The following EGFLAM variants were observed in gnomAD, a reference collection of about 807,000 sequenced individuals.
The protein encoded by EGFLAM is pikachurin.
In EGFLAM, 79 loss-of-function variants were observed where a neutral mutation model predicts 113.1. That is an observed-to-expected ratio of 0.70 (90% CI 0.58 to 0.84). The LOEUF (loss-of-function observed/expected upper bound fraction) is 0.84. EGFLAM is among the 40% of genes least tolerant of loss of function. EGFLAM has a pLI of 0.00. For synonymous variants in EGFLAM, 504 were observed against 487.6 expected (o/e 1.03, Z -0.44); for missense variants, 1,265 against 1,291.6 (o/e 0.98, Z 0.32).
At chr5:38,411,480 T>C (rs1741476214) in intron 10 of EGFLAM, among the ~76,000 whole-genome samples, 1 of 143,032 alleles carries the variant, frequency 7.0e-6, no homozygotes. Flanking sequence ...CTTTCATTAA[T>C]TTCTTTTTTT....
In EGFLAM at chr5:38,418,271, G is replaced by T. The variant is rs1473408143; in HGVS notation, c.1684+16G>T. 4 of 1,613,322 alleles carry T rather than the reference G, an allele frequency of 2.5e-6. No individual in the cohort carries two copies. Among genetic ancestry groups the T allele is most frequent in the Non-Finnish European group, 3.4e-6 (4 of 1,179,626 alleles). On this transcript the variant is annotated intron_variant, in intron 12 of 21. Coordinates refer to ENST00000322350, the MANE Select transcript of EGFLAM (RefSeq NM_152403.4). Reference sequence around the variant, plus strand: ...GCTGATGTGGGTAAGTGGCTGCCTGGTGGGTTGGGGTACTCTTATGGGACT... The same window carrying T: ...GCTGATGTGGGTAAGTGGCTGCCTGTTGGGTTGGGGTACTCTTATGGGACT...
intron 6 of EGFLAM, among the ~76,000 whole-genome samples, chr5:38,398,458 G>A (rs1741018917): frequency 6.6e-6 from 1 of 152,160 alleles, no homozygotes; most frequent in Non-Finnish European, 1.5e-5. Context: ...AAAGAGGAGA[G>A]CTATGAGAAC....
chr5:38,384,859 G>T (rs1416539890), intron 6 of EGFLAM, among the ~76,000 whole-genome samples: 1 of 152,048 alleles, frequency 6.6e-6, no homozygotes, highest in East Asian at 1.9e-4. Flanking sequence ...GGGTGATTTT[G>T]GTCCCCAAAG....
At chr5:38,269,299 A>G (rs1757708406) in intron 1 of EGFLAM, among the ~76,000 whole-genome samples, 2 of 152,170 alleles carry the variant, frequency 1.3e-5, no homozygotes, top group Non-Finnish European at 2.9e-5. Context: ...AGTTTACTAG[A>G]AACTCCTTCT....
intron 5 of EGFLAM, among the ~76,000 whole-genome samples, chr5:38,367,159 T>C (rs1161615769): frequency 6.6e-6 from 1 of 152,124 alleles, no homozygotes; most frequent in Non-Finnish European, 1.5e-5. Context: ...TTGTTGTTGT[T>C]GTTTTTGAGA....
At chr5:38,417,479 A>C (rs1266821037) in intron 11 of EGFLAM, among the ~76,000 whole-genome samples, 1 of 152,046 alleles carries the variant, frequency 6.6e-6, no homozygotes, top group Non-Finnish European at 1.5e-5. Context: ...TAAGATGGGA[A>C]GTTTCCCTAC....
At chr5:38,288,352 T>G (rs1003864760) in intron 1 of EGFLAM, among the ~76,000 whole-genome samples, 1 of 152,180 alleles carries the variant, frequency 6.6e-6, no homozygotes, top group Non-Finnish European at 1.5e-5. Context: ...GGTGGTCAGT[T>G]TCAAAACTGG....
intron 5 of EGFLAM, among the ~76,000 whole-genome samples, chr5:38,358,451 A>C (rs894776238): frequency 1.3e-5 from 2 of 150,772 alleles, no homozygotes; most frequent in Non-Finnish European, 3.0e-5. Context: ...CGTCTCAAAA[A>C]AAAAAAAAAA....
intron 11 of EGFLAM, among the ~76,000 whole-genome samples, chr5:38,417,267 G>T (rs1306620901): frequency 1.4e-5 from 2 of 141,512 alleles, no homozygotes; most frequent in Non-Finnish European, 3.0e-5. Context: ...AGAATTGCTT[G>T]AACCTGGGAG....
At chr5:38,446,192 G>A (rs939974311) in intron 17 of EGFLAM, among the ~76,000 whole-genome samples, 3 of 152,108 alleles carry the variant, frequency 2.0e-5, no homozygotes, top group African/African-American at 4.8e-5. Context: ...CGGCTGCCCC[G>A]GCTGAGAGCT....
At chr5:38,349,415 A>G (rs1739557219) in intron 3 of EGFLAM, among the ~76,000 whole-genome samples, 1 of 152,194 alleles carries the variant, frequency 6.6e-6, no homozygotes, top group African/African-American at 2.4e-5. Flanking sequence ...TCCTGAGCAC[A>G]TCTTCCATAC....
intron 14 of EGFLAM, 103 bp downstream of exon 14, chr5:38,427,355 C>T: frequency 6.6e-7 from 1 of 1,523,314 alleles, no homozygotes; most frequent in South Asian, 1.3e-5. Context: ...CTCATCCTGT[C>T]TTCTCTACAT....
intron 19 of EGFLAM, among the ~76,000 whole-genome samples, chr5:38,458,038 G>A (rs536912406): frequency 1.2e-4 from 19 of 152,244 alleles, no homozygotes; most frequent in African/African-American, 4.1e-4. Flanking sequence ...ATATGAATAT[G>A]TACTTAATGC....
chr5:38,305,697 G>A (rs903354739), intron 1 of EGFLAM: 1 of 175,732 alleles, frequency 5.7e-6, no homozygotes. Context: ...CTTGAGAAGA[G>A]ATTTAAAAGA....
intron 19 of EGFLAM, among the ~76,000 whole-genome samples, chr5:38,454,468 G>T (rs190849693): frequency 1.5e-3 from 227 of 152,254 alleles, no homozygotes; most frequent in African/African-American, 5.2e-3. Flanking sequence ...TCAGTGTGGG[G>T]TCAGGTGTAG....
intron 6 of EGFLAM, among the ~76,000 whole-genome samples, chr5:38,384,967 T>A (rs1450246967): frequency 6.6e-6 from 1 of 152,096 alleles, no homozygotes; most frequent in Non-Finnish European, 1.5e-5. Flanking sequence ...TTGCTAAATA[T>A]GAATACCTTG....
Position 38,366,275 on chromosome 5 carries a change from T to C in EGFLAM, c.546-4021T>C, listed in dbSNP as rs193213167. Among the ~76,000 whole-genome samples the C allele has an allele frequency of 3.2e-3, 482 of 152,298 alleles. 4 individuals carry two copies. The highest frequency in any genetic ancestry group is 5.2e-3 in the Non-Finnish European group (351 of 68,024). On this transcript the variant is annotated intron_variant, in intron 5 of 21. Coordinates refer to ENST00000322350, the MANE Select transcript of EGFLAM (RefSeq NM_152403.4). ...ACTTAGACTTTCCTCAGGATTCTAG[T>C]TCACAGTGACCTATTCAAATACAGT...
At chr5:38,459,763 C>T (rs2112290050) in intron 20 of EGFLAM, among the ~76,000 whole-genome samples, 1 of 124,000 alleles carries the variant, frequency 8.1e-6, no homozygotes, top group Middle Eastern at 4.1e-3. Flanking sequence ...GGCTGCTGGG[C>T]CCCCAACCCC....
At chr5:38,354,946 G>T (rs1001935177) in intron 5 of EGFLAM, among the ~76,000 whole-genome samples, 2 of 152,176 alleles carry the variant, frequency 1.3e-5, no homozygotes, top group Non-Finnish European at 2.9e-5. Flanking sequence ...TCAGACAGAA[G>T]AACTGGGAGA....
Sources: allele counts gnomAD v4.1 joint callset (sites outside exome capture counted in the v4.1 genomes callset), GRCh38; gene constraint gnomAD v4.1.1; transcripts MANE v1.5; gene names NCBI Gene and HGNC (gene_info 2026-07-23, HGNC 2026-07-21).